ABTB3: variants seen among roughly 807,000 people sequenced by gnomAD.
The protein encoded by ABTB3 is ankyrin repeat- and BTB/POZ domain-containing protein 3.
chr12:107,385,774 G>A, the ABTB3 span, among the ~76,000 whole-genome samples: 3 of 152,184 alleles, frequency 2.0e-5, no homozygotes, highest in African/African-American at 7.2e-5. Flanking sequence ...AAGTTGGGCA[G>A]TCTTATGAGA....
chr12:107,493,409 A>G, the ABTB3 span, among the ~76,000 whole-genome samples: 211 of 152,302 alleles, frequency 1.4e-3, no homozygotes, highest in African/African-American at 4.7e-3. Flanking sequence ...ACTTGCAGGC[A>G]ACGTTTTCCC....
At chr12:107,537,535 AAAG>A in the ABTB3 span, among the ~76,000 whole-genome samples, 1 of 152,110 alleles carries the variant, frequency 6.6e-6, no homozygotes, top group Non-Finnish European at 1.5e-5. Context: ...AAGGAAAAAA[AAAG>A]AAATAGAATT....
chr12:107,436,617 A>G, the ABTB3 span, among the ~76,000 whole-genome samples: 1 of 152,206 alleles, frequency 6.6e-6, no homozygotes, highest in African/African-American at 2.4e-5. Context: ...CCTGCTTGCT[A>G]TAACCTGCCA....
At chr12:107,373,050 C>T in the ABTB3 span, among the ~76,000 whole-genome samples, 2 of 152,286 alleles carry the variant, frequency 1.3e-5, no homozygotes, top group South Asian at 2.1e-4. Context: ...AGTAACACCC[C>T]CTCTCCTCAA....
chr12:107,533,837 A>C, the ABTB3 span, among the ~76,000 whole-genome samples: 2 of 152,220 alleles, frequency 1.3e-5, no homozygotes, highest in African/African-American at 4.8e-5. Flanking sequence ...TTTCTCAACA[A>C]CACATGGAAT....
the ABTB3 span, among the ~76,000 whole-genome samples, chr12:107,330,555 C>A: frequency 6.6e-6 from 1 of 152,204 alleles, no homozygotes; most frequent in Admixed American, 6.5e-5. Flanking sequence ...TCTGGTTTAA[C>A]GCTCACATTT....
the ABTB3 span, among the ~76,000 whole-genome samples, chr12:107,489,063 C>A: frequency 2.5e-4 from 38 of 152,174 alleles, no homozygotes; most frequent in African/African-American, 8.9e-4. Context: ...TAATACTTTT[C>A]TTCACATGTT....
At chr12:107,626,551 T>G in the ABTB3 span, among the ~76,000 whole-genome samples, 5 of 152,114 alleles carry the variant, frequency 3.3e-5, no homozygotes, top group South Asian at 1.0e-3. Flanking sequence ...GGTTTCACTT[T>G]GTTAGCCAGG....
the ABTB3 span, among the ~76,000 whole-genome samples, chr12:107,597,247 C>T: frequency 6.6e-6 from 1 of 152,188 alleles, no homozygotes; most frequent in East Asian, 1.9e-4. Context: ...GACATGTTTC[C>T]ATTCTGAGCT....
the ABTB3 span, among the ~76,000 whole-genome samples, chr12:107,384,310 G>A: frequency 6.6e-6 from 1 of 152,168 alleles, no homozygotes; most frequent in Non-Finnish European, 1.5e-5. Flanking sequence ...AAGCAGCCTG[G>A]CTCCACAGCC....
At chr12:107,498,760 T>TA in the ABTB3 span, among the ~76,000 whole-genome samples, 1 of 152,102 alleles carries the variant, frequency 6.6e-6, no homozygotes, top group African/African-American at 2.4e-5. Context: ...GTCAGATGAT[T>TA]AGCAGTCTTA....
the ABTB3 span, among the ~76,000 whole-genome samples, chr12:107,656,427 G>C: frequency 6.6e-6 from 1 of 152,216 alleles, no homozygotes; most frequent in Non-Finnish European, 1.5e-5. Flanking sequence ...AGTTGGCTTT[G>C]TACCTACTTA....
At chr12:107,530,860 G>T in the ABTB3 span, among the ~76,000 whole-genome samples, 1 of 152,188 alleles carries the variant, frequency 6.6e-6, no homozygotes, top group Non-Finnish European at 1.5e-5. Context: ...CAGATTCCCA[G>T]AAATGGAATT....
the ABTB3 span, among the ~76,000 whole-genome samples, chr12:107,556,287 G>A: frequency 1.3e-5 from 2 of 151,884 alleles, no homozygotes; most frequent in African/African-American, 4.8e-5. Context: ...GTAGAGACAG[G>A]GTTTTTCCAT....
At chr12:107,463,991 C>G in the ABTB3 span, among the ~76,000 whole-genome samples, 39 of 152,330 alleles carry the variant, frequency 2.6e-4, no homozygotes, top group African/African-American at 7.7e-4. Flanking sequence ...CAGGGAGATA[C>G]AGATGCTCTC....
At chr12:107,632,015 C>A in the ABTB3 span, among the ~76,000 whole-genome samples, 2 of 152,158 alleles carry the variant, frequency 1.3e-5, no homozygotes, top group African/African-American at 4.8e-5. Context: ...GAAGATTGTC[C>A]ATTTGGAACA....
At chr12:107,448,721 A>G in the ABTB3 span, among the ~76,000 whole-genome samples, 18 of 151,640 alleles carry the variant, frequency 1.2e-4, no homozygotes, top group Admixed American at 3.9e-4. Context: ...GCTCACTGCA[A>G]ACTCCACCAC....
At chr12:107,469,943 T>C in the ABTB3 span, among the ~76,000 whole-genome samples, 22 of 32,816 alleles carry the variant, frequency 6.7e-4, 2 homozygotes, top group Non-Finnish European at 1.0e-3. Flanking sequence ...TCTTTCTTTC[T>C]CTTTCTTTCT....
At chr12:107,603,762 C>T in the ABTB3 span, among the ~76,000 whole-genome samples, 17 of 152,106 alleles carry the variant, frequency 1.1e-4, no homozygotes, top group Non-Finnish European at 1.2e-4. Flanking sequence ...AGGGTGAAGA[C>T]ACAACTTATG....
Sources: gnomAD v4.1 joint callset for allele counts (sites outside exome capture counted in the v4.1 genomes callset) on GRCh38, gnomAD v4.1.1 for gene constraint, MANE v1.5 for transcripts, NCBI Gene and HGNC (gene_info 2026-07-23, HGNC 2026-07-21) for gene names.